Variants in PLPPR1 observed in about 807,000 individuals in gnomAD.
PLPPR1 encodes the protein phospholipid phosphatase related 1.
PLPPR1 carries 10 observed loss-of-function variants against 33.1 expected under a neutral mutation model. That is an observed-to-expected ratio of 0.30 (90% CI 0.19 to 0.51). The LOEUF is 0.51. Ranked by LOEUF, PLPPR1 falls within the 20% of genes least tolerant of loss-of-function variation. The probability of loss-of-function intolerance (pLI) is 0.97; values close to 1 mark genes in which losing one functional copy is unlikely to be tolerated. For synonymous variants in PLPPR1, 151 were observed against 151.0 expected (o/e 1.00, Z 0.00); for missense variants, 304 against 408.1 (o/e 0.74, Z 2.20).
rs1490960174 is a variant in PLPPR1 at position 101,300,132 on chromosome 9, TATA to T, written c.386-9073_386-9071del. On this transcript the variant is annotated intron_variant, in intron 4 of 7. Coordinates refer to ENST00000374874, the MANE Select transcript of PLPPR1 (RefSeq NM_207299.2). ...AGTAAAGTGTAGTTTCAAAGCTTTC[TATA>T]ATAATTTTTAAAAAGTAGTGTGTGT... is the stretch of plus-strand genomic sequence containing the variant. Among the ~76,000 whole-genome samples, 3 of 152,220 alleles carry T rather than the reference TATA, an allele frequency of 2.0e-5. No individual in the cohort carries two copies. The East Asian group carries it at 5.8e-4, about 29-fold the overall frequency.
At chr9:101,199,584 A>G (rs1267223217) in intron 2 of PLPPR1, among the ~76,000 whole-genome samples, 1 of 152,186 alleles carries the variant, frequency 6.6e-6, no homozygotes, top group Non-Finnish European at 1.5e-5. Context: ...TTCCCCATAT[A>G]AATGATTTTT....
At chr9:101,101,946 CT>C (rs1231926180) in intron 1 of PLPPR1, among the ~76,000 whole-genome samples, 2 of 151,976 alleles carry the variant, frequency 1.3e-5, no homozygotes, top group Non-Finnish European at 2.9e-5. Flanking sequence ...CAGTACTATT[CT>C]CCCAAAAAAG....
At chr9:101,043,434 TA>T (rs1830107459) in intron 1 of PLPPR1, among the ~76,000 whole-genome samples, 1 of 151,584 alleles carries the variant, frequency 6.6e-6, no homozygotes, top group African/African-American at 2.4e-5. Flanking sequence ...CATATGTATA[TA>T]TGTATATGCA....
chr9:101,143,669 A>G (rs1296874466), intron 1 of PLPPR1, among the ~76,000 whole-genome samples: 1 of 152,220 alleles, frequency 6.6e-6, no homozygotes, highest in Non-Finnish European at 1.5e-5. Flanking sequence ...GCCAACAGAC[A>G]CATGAAAAAA....
At chr9:101,061,211 C>A (rs989468768) in intron 1 of PLPPR1, among the ~76,000 whole-genome samples, 1 of 151,846 alleles carries the variant, frequency 6.6e-6, no homozygotes, top group African/African-American at 2.4e-5. Context: ...TTTTGCCATT[C>A]TAATATCTTG....
intron 6 of PLPPR1, among the ~76,000 whole-genome samples, chr9:101,314,801 CAAA>C (rs937903029): frequency 1.3e-5 from 2 of 150,262 alleles, no homozygotes; most frequent in Non-Finnish European, 3.0e-5. Context: ...AGAAATAAAA[CAAA>C]AATGTGCCAG....
At chr9:101,287,163 G>A (rs1178262258) in intron 4 of PLPPR1, among the ~76,000 whole-genome samples, 4 of 152,168 alleles carry the variant, frequency 2.6e-5, no homozygotes, top group Non-Finnish European at 5.9e-5. Context: ...AGTGCAGTGG[G>A]AAACCTAAGA....
intron 1 of PLPPR1, among the ~76,000 whole-genome samples, chr9:101,034,772 A>G (rs888877259): frequency 1.3e-5 from 2 of 151,556 alleles, no homozygotes; most frequent in Non-Finnish European, 2.9e-5. Flanking sequence ...CTTTATGCTC[A>G]GGACTCAAGA....
chr9:101,257,706 T>C (rs746650911), intron 2 of PLPPR1, among the ~76,000 whole-genome samples: 26 of 152,098 alleles, frequency 1.7e-4, no homozygotes, highest in Non-Finnish European at 7.4e-5. Flanking sequence ...CATTACATGC[T>C]CCCATCCTCA....
chr9:101,304,201 T>G (rs1828807093), intron 4 of PLPPR1, among the ~76,000 whole-genome samples: 1 of 152,238 alleles, frequency 6.6e-6, no homozygotes, highest in South Asian at 2.1e-4. Flanking sequence ...AAAGGAGATA[T>G]GATCCCTGCA....
intron 3 of PLPPR1, among the ~76,000 whole-genome samples, chr9:101,276,639 T>C (rs1247633372): frequency 1.3e-5 from 2 of 152,242 alleles, no homozygotes; most frequent in Non-Finnish European, 2.9e-5. Flanking sequence ...GCTAACTCAT[T>C]TAAAATTCCC....
At chr9:101,206,764 A>G (rs938176881) in intron 2 of PLPPR1, among the ~76,000 whole-genome samples, 1 of 152,130 alleles carries the variant, frequency 6.6e-6, no homozygotes, top group African/African-American at 2.4e-5. Flanking sequence ...TGTAACTACT[A>G]TCCATACCTG....
Position 101,312,710 on chromosome 9 carries a change from A to G in PLPPR1, c.637-88A>G, listed in dbSNP as rs571403018. The G allele has an allele frequency of 4.4e-5, 45 of 1,019,434 alleles. No homozygotes were observed. In the South Asian group the frequency reaches 6.6e-4, roughly 15 times the overall value. 63.1% of individuals were successfully genotyped at this position (1,019,434 alleles called of 1,614,324 possible). ...CTTTGACACAAGCCCCTGCTTGTGT[A>G]TGCTGGTGTATGTACCTGCTTGCTT... On this transcript the variant is annotated intron_variant, in intron 5 of 7. Transcript: ENST00000374874.
chr9:101,060,346 G>T (rs1232222321), intron 1 of PLPPR1, among the ~76,000 whole-genome samples: 2 of 151,904 alleles, frequency 1.3e-5, no homozygotes, highest in African/African-American at 4.8e-5. Context: ...GCTTGTCAAA[G>T]AACACAAAAT....
At chr9:101,121,768 A>G (rs1242174607) in intron 1 of PLPPR1, among the ~76,000 whole-genome samples, 1 of 152,178 alleles carries the variant, frequency 6.6e-6, no homozygotes, top group Non-Finnish European at 1.5e-5. Flanking sequence ...TGCTGTAAGA[A>G]TTGTGAGTGT....
intron 1 of PLPPR1, among the ~76,000 whole-genome samples, chr9:101,180,094 TTATA>T (rs71507977): frequency 0.023 from 1,418 of 61,164 alleles, 14 homozygotes; most frequent in Middle Eastern, 0.048. Flanking sequence ...AAACTCTCCT[TTATA>T]TATATATATA....
intron 1 of PLPPR1, among the ~76,000 whole-genome samples, chr9:101,129,336 C>A (rs1035346838): frequency 6.6e-6 from 1 of 152,154 alleles, no homozygotes; most frequent in African/African-American, 2.4e-5. Context: ...TACCCATGCA[C>A]CATATGACCC....
chr9:101,196,633 G>T (rs1564172655), intron 2 of PLPPR1, among the ~76,000 whole-genome samples: 3 of 152,158 alleles, frequency 2.0e-5, no homozygotes, highest in Non-Finnish European at 4.4e-5. Context: ...AGGCCGAGGC[G>T]GGCGGATCAC....
At chr9:101,269,825 A>C (rs1293619501) in intron 2 of PLPPR1, 55 bp from the exon 3 acceptor site, 8 of 1,550,952 alleles carry the variant, frequency 5.2e-6, no homozygotes, top group South Asian at 4.5e-5. Context: ...TCTGAGGGGC[A>C]AGGGCTGCTC....
Sources: allele counts gnomAD v4.1 joint callset (sites outside exome capture counted in the v4.1 genomes callset), GRCh38; gene constraint gnomAD v4.1.1; transcripts MANE v1.5; gene names NCBI Gene and HGNC (gene_info 2026-07-23, HGNC 2026-07-21).